Variants in LRRC74A observed in about 807,000 individuals in gnomAD.
LRRC74A encodes leucine rich repeat containing 74A.
A neutral mutation model predicts 57.9 loss-of-function variants in LRRC74A; 44 were observed. That is an observed-to-expected ratio of 0.76 (90% confidence interval 0.60 to 0.98). The LOEUF is 0.98. Among genes scored for constraint, LRRC74A ranks in the 50% least tolerant of loss-of-function variants. LRRC74A has a pLI of 0.00. For synonymous variants in LRRC74A, 211 were observed against 219.4 expected, an observed-to-expected ratio of 0.96 and a Z score of 0.34; for missense variants, 572 against 574.0, an observed-to-expected ratio of 1.00 and a Z score of 0.04.
chr14:76,827,626 C>G (rs1275564008), intron 1 of LRRC74A, among the ~76,000 whole-genome samples: 1 of 152,122 alleles, frequency 6.6e-6, no homozygotes, highest in African/African-American at 2.4e-5. Flanking sequence ...GAGGGGAGCT[C>G]TGTTCCCAGC....
intron 1 of LRRC74A, 43 bp from the exon 2 acceptor site, chr14:76,828,248 A>T: frequency 6.4e-7 from 1 of 1,551,036 alleles, no homozygotes; most frequent in Non-Finnish European, 8.7e-7. Flanking sequence ...GGAGGCCAGC[A>T]AGTTTTATTC....
At chr14:76,847,174 A>G (rs1897164164) in intron 7 of LRRC74A, among the ~76,000 whole-genome samples, 1 of 152,196 alleles carries the variant, frequency 6.6e-6, no homozygotes, top group South Asian at 2.1e-4. Context: ...AATGCTGTTG[A>G]GAGATCAAAT....
chr14:76,845,429 G>C (rs1320383661), intron 7 of LRRC74A, among the ~76,000 whole-genome samples: 3 of 152,142 alleles, frequency 2.0e-5, no homozygotes, highest in Admixed American at 1.3e-4. Flanking sequence ...AAAACTTTAC[G>C]ATGATTAGAA....
intron 8 of LRRC74A, 105 bp from the exon 9 acceptor site, chr14:76,853,111 G>C: frequency 9.4e-7 from 1 of 1,069,474 alleles, no homozygotes; most frequent in African/African-American, 1.6e-5. Flanking sequence ...GGGGACCACT[G>C]AGCACCCGGT....
Position 76,860,736 on chromosome 14 carries a change from T to C in LRRC74A, c.1097T>C (p.Val366Ala), listed in dbSNP as rs764708171. Residue 366 changes from valine to alanine, a missense_variant, in exon 11 of 14, where the codon GTG becomes GCG. Physicochemically the swap from Val to Ala is moderately conservative, Grantham distance 64. Coordinates refer to ENST00000689127, the MANE Select transcript of LRRC74A (RefSeq NM_001385106.1). Reference sequence around the variant, plus strand: ...CAGTTCATGAAAACGTTGGACGGAGTGTATGCCGTTCACCCGCAGCTGGAC... The same window carrying C: ...CAGTTCATGAAAACGTTGGACGGAGCGTATGCCGTTCACCCGCAGCTGGAC... Reference protein sequence around the residue: ...SEQFMKTLDGVYAVHPQLDVV... With the variant: ...SEQFMKTLDGAYAVHPQLDVV... The C allele has an allele frequency of 3.1e-5, 50 of 1,611,878 alleles. No individual in the cohort carries two copies. Among genetic ancestry groups the C allele is most frequent in the Admixed American group, 1.0e-4 (6 of 59,892 alleles).
intron 11 of LRRC74A, 41 bp from the exon 12 acceptor site, chr14:76,865,927 A>G (rs369516926): frequency 7.0e-6 from 10 of 1,428,972 alleles, no homozygotes; most frequent in Non-Finnish European, 8.8e-6. Flanking sequence ...TCGTTGTTAC[A>G]AGACCAAGTG....
Position 76,870,281 on chromosome 14 carries a change from T to C in LRRC74A, c.*132T>C. ...GTGGCAGGGGCTGGGCACAAGCAAA[T>C]AAAGTCTGGCTTGGTTCTGGGTGTC... On this transcript the variant is annotated 3_prime_UTR_variant, in exon 14 of 14. Coordinates refer to ENST00000689127, the MANE Select transcript of LRRC74A (RefSeq NM_001385106.1). 1 of 1,043,834 alleles carries C rather than the reference T, an allele frequency of 9.6e-7. No homozygotes were observed. The highest frequency in any genetic ancestry group is 1.4e-6 in the Non-Finnish European group (1 of 698,524). 64.7% of individuals were successfully genotyped at this position (1,043,834 alleles called of 1,614,324 possible). A position where few individuals can be genotyped will look rare whatever the true frequency, so the allele number is the denominator to read the frequency against.
intron 7 of LRRC74A, among the ~76,000 whole-genome samples, chr14:76,851,435 G>T (rs182310574): frequency 1.6e-4 from 25 of 152,314 alleles, no homozygotes; most frequent in Non-Finnish European, 1.8e-4. Context: ...TTGGCTCACT[G>T]CAAACTCCGC....
chr14:76,857,915 G>A (rs534537257), intron 10 of LRRC74A, among the ~76,000 whole-genome samples: 3 of 152,286 alleles, frequency 2.0e-5, no homozygotes, highest in African/African-American at 7.2e-5. Flanking sequence ...TAGACTCAGA[G>A]CAGTATTTCT....
intron 8 of LRRC74A, 81 bp downstream of exon 8, chr14:76,852,531 C>G: frequency 9.3e-7 from 1 of 1,073,088 alleles, no homozygotes; most frequent in Middle Eastern, 2.1e-4. Context: ...TAAGCCTCTT[C>G]CTCATGGTCA....
intron 5 of LRRC74A, among the ~76,000 whole-genome samples, chr14:76,840,285 A>G (rs1896662161): frequency 6.6e-6 from 1 of 152,168 alleles, no homozygotes; most frequent in Non-Finnish European, 1.5e-5. Context: ...TATAAAAAAG[A>G]AAAAGAAAAA....
intron 9 of LRRC74A, among the ~76,000 whole-genome samples, chr14:76,854,111 C>T (rs1897716130): frequency 6.6e-6 from 1 of 152,178 alleles, no homozygotes; most frequent in Non-Finnish European, 1.5e-5. Context: ...CCCTGGTCTT[C>T]TCTCCACTCC....
chr14:76,869,566 G>T (rs1595415181), intron 13 of LRRC74A, among the ~76,000 whole-genome samples: 3 of 152,162 alleles, frequency 2.0e-5, no homozygotes, highest in Admixed American at 6.5e-5. Flanking sequence ...GCCTGGCCAA[G>T]ATGGTGAAAC....
chr14:76,853,717 A>G (rs1897686309), intron 9 of LRRC74A, among the ~76,000 whole-genome samples: 1 of 151,288 alleles, frequency 6.6e-6, no homozygotes, highest in African/African-American at 2.4e-5. Flanking sequence ...CTCCTTCAGG[A>G]TCTTCTCCAC....
At chr14:76,869,860 C>T (rs1213758615) in intron 13 of LRRC74A, among the ~76,000 whole-genome samples, 1 of 152,150 alleles carries the variant, frequency 6.6e-6, no homozygotes, top group Non-Finnish European at 1.5e-5. Flanking sequence ...ATAGTTTACT[C>T]TGCCTCCCCA....
intron 5 of LRRC74A, among the ~76,000 whole-genome samples, chr14:76,841,966 C>T (rs1414692996): frequency 1.3e-5 from 2 of 152,158 alleles, no homozygotes; most frequent in African/African-American, 2.4e-5. Context: ...CCCGCCTCAG[C>T]CTCCCAAAGT....
intron 10 of LRRC74A, among the ~76,000 whole-genome samples, chr14:76,857,690 A>G (rs951252437): frequency 2.0e-5 from 3 of 152,188 alleles, no homozygotes; most frequent in African/African-American, 7.2e-5. Flanking sequence ...AGTGAGAAAT[A>G]ATTTACCAGA....
At chr14:76,828,867 T>G (rs1895777046) in intron 2 of LRRC74A, 3 of 516,874 alleles carry the variant, frequency 5.8e-6, no homozygotes, top group South Asian at 5.6e-5. Context: ...ATCCCGTGTT[T>G]GACTCACTCT....
At chr14:76,857,280 G>A in intron 9 of LRRC74A, 100 bp from the exon 10 acceptor site, 1 of 705,778 alleles carries the variant, frequency 1.4e-6, no homozygotes, top group African/African-American at 1.8e-5. Flanking sequence ...AAGTCTGGGT[G>A]TGAGACAGAG....
Sources: gnomAD v4.1 joint callset for allele counts (sites outside exome capture counted in the v4.1 genomes callset) on GRCh38, gnomAD v4.1.1 for gene constraint, MANE v1.5 for transcripts, NCBI Gene and HGNC (gene_info 2026-07-23, HGNC 2026-07-21) for gene names.